SHROOM3: variants seen among roughly 807,000 people sequenced by gnomAD.
SHROOM3 encodes the protein protein Shroom3.
SHROOM3 carries 47 observed loss-of-function variants against 138.6 expected under a neutral mutation model. The observed-to-expected ratio is 0.34, with a 90% CI of 0.27 to 0.43. SHROOM3 has a LOEUF of 0.43. Among genes scored for constraint, SHROOM3 ranks in the 20% least tolerant of loss-of-function variants. SHROOM3 has a pLI of 1.00. For missense variants in SHROOM3, 2,491 were observed against 2,596.5 expected, an observed-to-expected ratio of 0.96 and a Z score of 0.88; for synonymous variants, 1,062 against 1,063.3, an observed-to-expected ratio of 1.00 and a Z score of 0.02.
chr4:76,581,743 GCTTA>G (rs1734057771), intron 2 of SHROOM3, among the ~76,000 whole-genome samples: 1 of 152,194 alleles, frequency 6.6e-6, no homozygotes, highest in African/African-American at 2.4e-5. Context: ...GAGAAACTAA[GCTTA>G]CTGAGTTTCT....
chr4:76,609,038 A>G (rs979656788), intron 2 of SHROOM3, among the ~76,000 whole-genome samples: 11 of 152,204 alleles, frequency 7.2e-5, no homozygotes, highest in African/African-American at 2.7e-4. Flanking sequence ...ACTTGCAAAT[A>G]ATATGTCTGA....
rs200309411 is a variant in SHROOM3, at chr4:76,740,107, A to G, written c.1934A>G (p.Glu645Gly). Residue 645 changes from glutamate (E) to glycine (G), a missense_variant, in exon 5 of 11, where the codon GAA becomes GGA. Glu to Gly is a moderately conservative substitution (Grantham distance 98). Around this residue, in one of 4 missense-constraint regions of SHROOM3, gnomAD observed 1,733 missense variants for 1,661.6 expected, o/e 1.04. Coordinates refer to ENST00000296043, the MANE Select transcript of SHROOM3 (RefSeq NM_020859.4). This position sits in a 1 kb window ranked among gnomAD's most constrained non-coding sequence, Gnocchi z 4.0. The part of the protein sequence containing the change: ...NANLWRRLER[E>G]GLGQSLSGNF... ...AACCTCTGGAGGAGGCTGGAGAGAG[A>G]AGGCCTAGGCCAGAGCCTGTCAGGC... The G allele has an allele frequency of 9.5e-5, 154 of 1,613,652 alleles. No individual in the cohort carries two copies. The highest frequency in any genetic ancestry group is 1.3e-4 in the Non-Finnish European group (150 of 1,180,046).
intron 4 of SHROOM3, among the ~76,000 whole-genome samples, chr4:76,735,333 G>A (rs1159969850): frequency 6.6e-6 from 1 of 152,126 alleles, no homozygotes; most frequent in Non-Finnish European, 1.5e-5. Flanking sequence ...CCTAGTGAGT[G>A]ATATCAGTGC....
intron 2 of SHROOM3, among the ~76,000 whole-genome samples, chr4:76,690,349 G>T (rs1719488601): frequency 6.6e-6 from 1 of 152,152 alleles, no homozygotes; most frequent in Non-Finnish European, 1.5e-5. Context: ...CTTCCTCTAG[G>T]ATGTATTTTG....
intron 3 of SHROOM3, among the ~76,000 whole-genome samples, chr4:76,713,418 A>G (rs572412922): frequency 2.0e-5 from 3 of 152,268 alleles, no homozygotes; most frequent in South Asian, 4.1e-4. Context: ...AGGATCATCA[A>G]TACCACTGGC....
chr4:76,613,415 GAGCTCACATAA>G (rs747628101), intron 2 of SHROOM3, among the ~76,000 whole-genome samples: 2 of 152,186 alleles, frequency 1.3e-5, no homozygotes, highest in African/African-American at 2.4e-5. Flanking sequence ...AACACATGCA[GAGCTCACATAA>G]AGCATTTACC....
At chr4:76,588,665 C>T (rs1734199377) in intron 2 of SHROOM3, among the ~76,000 whole-genome samples, 1 of 152,120 alleles carries the variant, frequency 6.6e-6, no homozygotes, top group African/African-American at 2.4e-5. Context: ...CCTGTAGGTT[C>T]AGAAGCTGAG....
intron 1 of SHROOM3, among the ~76,000 whole-genome samples, chr4:76,552,114 G>GC (rs1470972623): frequency 6.7e-6 from 1 of 150,264 alleles, no homozygotes; most frequent in Non-Finnish European, 1.5e-5. Context: ...GCCCGCCTCG[G>GC]CCCCCCTAAA....
At chr4:76,763,992 A>G (rs2110150619) in intron 9 of SHROOM3, among the ~76,000 whole-genome samples, 1 of 152,344 alleles carries the variant, frequency 6.6e-6, no homozygotes, top group African/African-American at 2.4e-5. Context: ...GTAGCCTTTG[A>G]CCAACTTTTG....
intron 1 of SHROOM3, among the ~76,000 whole-genome samples, chr4:76,519,136 C>T (rs1055003732): frequency 4.6e-5 from 7 of 152,128 alleles, no homozygotes; most frequent in Non-Finnish European, 8.8e-5. Context: ...CACATGCCCA[C>T]CTGGGTGGCC....
chr4:76,555,635 C>G lies in SHROOM3; in HGVS notation c.195C>G (p.Thr65=), dbSNP rs544811206. The change falls in exon 2 of 11, where the codon ACC becomes ACG. Residue 65 remains threonine (T), a synonymous_variant. Coordinates refer to ENST00000296043, the MANE Select transcript of SHROOM3 (RefSeq NM_020859.4). Reference sequence around the variant, plus strand: ...TCGAAGAAGGGGGCAAAGCAGACACCCTGAGCTCCAAACTGCAGGCTGGGG... The same window carrying G: ...TCGAAGAAGGGGGCAAAGCAGACACGCTGAGCTCCAAACTGCAGGCTGGGG... The part of the protein sequence containing the change: ...SKVEEGGKAD[T]LSSKLQAGDE... 1.6e-5 allele frequency: 26 copies of G among 1,613,850 alleles called. No homozygotes were observed. The South Asian group carries it at 2.4e-4, about 15-fold the overall frequency.
At chr4:76,592,342 A>G (rs1734292156) in intron 2 of SHROOM3, among the ~76,000 whole-genome samples, 1 of 152,212 alleles carries the variant, frequency 6.6e-6, no homozygotes, top group Non-Finnish European at 1.5e-5. Context: ...TGTGAGCATT[A>G]AATGAAATAA....
chr4:76,597,260 G>A (rs892211857), intron 2 of SHROOM3, among the ~76,000 whole-genome samples: 1 of 152,304 alleles, frequency 6.6e-6, no homozygotes, highest in Admixed American at 6.5e-5. Context: ...AATAGGAGAA[G>A]AGAATTGTGG....
chr4:76,673,461 T>A (rs1718943416), intron 2 of SHROOM3, among the ~76,000 whole-genome samples: 1 of 152,156 alleles, frequency 6.6e-6, no homozygotes, highest in African/African-American at 2.4e-5. Flanking sequence ...GTCTTATATT[T>A]TTCTGTTTTT....
At chr4:76,685,704 CA>C (rs762753237) in intron 2 of SHROOM3, among the ~76,000 whole-genome samples, 2 of 152,148 alleles carry the variant, frequency 1.3e-5, no homozygotes, top group Non-Finnish European at 2.9e-5. Flanking sequence ...ATAGGCTGGG[CA>C]CGGTGGCTCA....
intron 2 of SHROOM3, among the ~76,000 whole-genome samples, chr4:76,599,068 GGGGTGCAA>G (rs1734449062): frequency 6.6e-6 from 1 of 152,130 alleles, no homozygotes; most frequent in South Asian, 2.1e-4. Context: ...CTTGGGTGCA[GGGGTGCAA>G]GGCGAGGAGG....
At chr4:76,519,037 A>G (rs1732507346) in intron 1 of SHROOM3, among the ~76,000 whole-genome samples, 1 of 152,162 alleles carries the variant, frequency 6.6e-6, no homozygotes, top group Non-Finnish European at 1.5e-5. Context: ...GATGCGGCAT[A>G]GCCTTGCCCT....
chr4:76,739,753 G>A lies in SHROOM3; in HGVS notation c.1580G>A (p.Gly527Glu). The change falls in exon 5 of 11, where the codon GGG becomes GAG. Residue 527 changes from glycine to glutamate, a missense_variant. Gly to Glu is a moderately conservative substitution (Grantham distance 98). Transcript: ENST00000296043. ...AACCAGAATGGATCTGGCAGGCCTG[G>A]GTTTGCCTTCTGCCAGCCCTTAGAA... is the stretch of plus-strand genomic sequence containing the variant. Reference protein sequence around the residue: ...NGNQNGSGRPGFAFCQPLEHD... With the variant: ...NGNQNGSGRPEFAFCQPLEHD... 6.2e-7 allele frequency: 1 copy of A among 1,614,170 alleles called. No individual in the cohort carries two copies. Among genetic ancestry groups the A allele is most frequent in the Non-Finnish European group, 8.5e-7 (1 of 1,180,028 alleles).
intron 2 of SHROOM3, among the ~76,000 whole-genome samples, chr4:76,577,890 G>A (rs1400618856): frequency 6.6e-5 from 10 of 152,092 alleles, no homozygotes; most frequent in Admixed American, 6.5e-4. Flanking sequence ...ATTGGTTTAG[G>A]TAAATAAAGG....
Sources: allele counts gnomAD v4.1 joint callset (sites outside exome capture counted in the v4.1 genomes callset), GRCh38; gene constraint gnomAD v4.1.1; regional missense constraint gnomAD v4.1.1; non-coding constraint Gnocchi (gnomAD v3.1); transcripts MANE v1.5; gene names NCBI Gene and HGNC (gene_info 2026-07-23, HGNC 2026-07-21).